The following FBLN5 variants were observed in gnomAD, a reference collection of about 807,000 sequenced individuals.
FBLN5 encodes fibulin-5.
Under a neutral mutation model 61.6 loss-of-function variants are expected in FBLN5, and 24 were observed. The ratio of observed to expected loss-of-function variants is 0.39; its 90% CI spans 0.28 to 0.55. The LOEUF (loss-of-function observed/expected upper bound fraction) is 0.55. FBLN5 is among the 20% of genes least tolerant of loss of function. The pLI is 0.65. For synonymous variants in FBLN5, 213 were observed against 219.8 expected, an observed-to-expected ratio of 0.97 and a Z score of 0.27; for missense variants, 470 against 594.1, an observed-to-expected ratio of 0.79 and a Z score of 2.17.
At chr14:91,928,349 C>T (rs74071633) in intron 4 of FBLN5, among the ~76,000 whole-genome samples, 3,172 of 152,314 alleles carry the variant, frequency 0.021, 113 homozygotes, top group African/African-American at 0.072. Context: ...GTGCCTTGAA[C>T]CTGTTTGGCA....
chr14:91,895,770 C>T (rs1890197245), intron 4 of FBLN5, among the ~76,000 whole-genome samples: 1 of 134,920 alleles, frequency 7.4e-6, no homozygotes, highest in Admixed American at 8.7e-5. Flanking sequence ...TTCACTCCAA[C>T]CTGGGAGACA....
chr14:91,940,697 G>A (rs780409543), intron 2 of FBLN5, 81 bp from the exon 3 acceptor site: 10 of 1,232,908 alleles, frequency 8.1e-6, no homozygotes, highest in South Asian at 1.2e-5. Context: ...GAAAGTTGGG[G>A]AAATGGAGCA....
intron 3 of FBLN5, among the ~76,000 whole-genome samples, chr14:91,939,612 G>A (rs546865227): frequency 1.3e-5 from 2 of 152,168 alleles, no homozygotes; most frequent in African/African-American, 4.8e-5. Context: ...AAAGTGCTGG[G>A]ATTACAGGCG....
rs1889540685 is a variant in FBLN5 at position 91,882,888 on chromosome 14, G to A, written c.862+66C>T. ...ATGATTCCCCAGGTGAGGATATCCA[G>A]ATGAGCCCCTGAAGCAGCTCCACCT... On this transcript the variant is annotated intron_variant, in intron 8 of 10. Transcript: ENST00000342058. This position sits in a 1 kb window ranked among gnomAD's most constrained non-coding sequence, Gnocchi z 4.9. 3 of 1,585,862 alleles carry A rather than the reference G, an allele frequency of 1.9e-6. No homozygotes were observed. The highest frequency in any genetic ancestry group is 2.6e-6 in the Non-Finnish European group (3 of 1,159,576).
intron 4 of FBLN5, among the ~76,000 whole-genome samples, chr14:91,922,859 T>C (rs1045177155): frequency 1.3e-5 from 2 of 152,162 alleles, no homozygotes; most frequent in African/African-American, 4.8e-5. Flanking sequence ...ATTTCATCCA[T>C]CCACTGATGC....
intron 1 of FBLN5, among the ~76,000 whole-genome samples, chr14:91,944,983 C>A (rs183416787): frequency 2.0e-5 from 3 of 152,204 alleles, no homozygotes; most frequent in Non-Finnish European, 4.4e-5. Context: ...CTAATCCCAG[C>A]ACTTTGGGAG....
chr14:91,871,593 CACA>C (rs1888929523), intron 10 of FBLN5, among the ~76,000 whole-genome samples: 1 of 152,166 alleles, frequency 6.6e-6, no homozygotes, highest in South Asian at 2.1e-4. Context: ...CACCATGGCT[CACA>C]ACTGTAATCC....
intron 1 of FBLN5, among the ~76,000 whole-genome samples, chr14:91,945,060 G>C (rs562414316): frequency 1.3e-5 from 2 of 151,932 alleles, no homozygotes; most frequent in Non-Finnish European, 2.9e-5. Flanking sequence ...GTGAAACCCC[G>C]TCTCTACTAA....
chr14:91,879,303 C>T (rs561135786), intron 9 of FBLN5, among the ~76,000 whole-genome samples: 105 of 152,250 alleles, frequency 6.9e-4, no homozygotes, highest in African/African-American at 2.5e-3. Context: ...AAAGGAATGC[C>T]TTCCATATGG....
At chr14:91,916,997 G>A (rs1205699207) in intron 4 of FBLN5, among the ~76,000 whole-genome samples, 2 of 152,152 alleles carry the variant, frequency 1.3e-5, no homozygotes, top group African/African-American at 4.8e-5. Flanking sequence ...TCATTGTGAC[G>A]AACTCAGGGA....
At chr14:91,894,416 A>AAAAAAAAAAAAAAAAAG in intron 5 of FBLN5, among the ~76,000 whole-genome samples, 1 of 143,608 alleles carries the variant, frequency 7.0e-6, no homozygotes, top group African/African-American at 2.6e-5. Flanking sequence ...AAAAAAAAAA[A>AAAAAAAAAAAAAAAAAG]AAAAAAAAAA....
intron 10 of FBLN5, among the ~76,000 whole-genome samples, chr14:91,877,109 C>T (rs1889201115): frequency 6.6e-6 from 1 of 152,120 alleles, no homozygotes; most frequent in South Asian, 2.1e-4. Flanking sequence ...TCTCAAAGTG[C>T]TGGGATTACA....
At chr14:91,935,607 G>C (rs1241506305) in intron 4 of FBLN5, among the ~76,000 whole-genome samples, 1 of 152,200 alleles carries the variant, frequency 6.6e-6, no homozygotes, top group African/African-American at 2.4e-5. Context: ...GGAGAAGTTA[G>C]GGGAGCTGGA....
intron 5 of FBLN5, among the ~76,000 whole-genome samples, chr14:91,892,449 G>T (rs1361695156): frequency 6.6e-6 from 1 of 152,176 alleles, no homozygotes; most frequent in Middle Eastern, 3.2e-3. Context: ...TCTACCTACT[G>T]CCAGGAAGGA....
rs778231375 is a variant in FBLN5 at position 91,870,390 on chromosome 14, G to A, written c.1186-5C>T. Reference sequence around the variant, plus strand: ...GGCACTGATGGGGCCCGTTTGCTATGGACAGAACCGGGGAACACCAGTGAG... The same window carrying A: ...GGCACTGATGGGGCCCGTTTGCTATAGACAGAACCGGGGAACACCAGTGAG... On this transcript the variant is annotated splice_region_variant and splice_polypyrimidine_tract_variant and intron_variant, in intron 10 of 10. Transcript: ENST00000342058. 3 of 1,613,278 alleles carry A rather than the reference G, an allele frequency of 1.9e-6. No individual in the cohort carries two copies. In the African/African-American group the frequency reaches 4.0e-5, roughly 22 times the overall value.
intron 4 of FBLN5, among the ~76,000 whole-genome samples, chr14:91,933,876 G>A (rs112484868): frequency 0.068 from 10,369 of 152,196 alleles, 453 homozygotes; most frequent in Middle Eastern, 0.1. Flanking sequence ...GTGGGAGGCC[G>A]AGGCATGAGG....
intron 4 of FBLN5, among the ~76,000 whole-genome samples, chr14:91,912,897 CA>C (rs1034955113): frequency 2.0e-5 from 3 of 151,758 alleles, no homozygotes; most frequent in African/African-American, 7.3e-5. Flanking sequence ...GTTGTTGATC[CA>C]AAAAGCAGAA....
At chr14:91,942,855 C>T in intron 2 of FBLN5, 52 bp downstream of exon 2, 1 of 1,228,576 alleles carries the variant, frequency 8.1e-7, no homozygotes, top group Non-Finnish European at 1.2e-6. Flanking sequence ...TGGACTCCCT[C>T]ACCCCGGATT....
At chr14:91,895,753 G>A (rs188628918) in intron 4 of FBLN5, among the ~76,000 whole-genome samples, 92 of 132,616 alleles carry the variant, frequency 6.9e-4, no homozygotes, top group African/African-American at 2.4e-3. Flanking sequence ...AGCCGAGATC[G>A]CACGACTTCA....
Sources: allele counts gnomAD v4.1 joint callset (sites outside exome capture counted in the v4.1 genomes callset), GRCh38; gene constraint gnomAD v4.1.1; non-coding constraint Gnocchi (gnomAD v3.1); transcripts MANE v1.5; gene names NCBI Gene and HGNC (gene_info 2026-07-23, HGNC 2026-07-21).